Variants in TBPL1 observed in about 807,000 individuals in gnomAD.
TBPL1 encodes the protein TATA-box binding protein like 1, also known as TATA box-binding protein-like 1.
A neutral mutation model predicts 22.1 loss-of-function variants in TBPL1; 4 were observed. That is an observed-to-expected ratio of 0.18 (90% CI 0.09 to 0.41). TBPL1 has a LOEUF of 0.41. Ranked by LOEUF, TBPL1 falls within the 10% of genes least tolerant of loss-of-function variation. TBPL1 has a pLI of 1.00. For synonymous variants in TBPL1, 64 were observed against 71.0 expected (o/e 0.90, Z 0.50); for missense variants, 115 against 222.3 (o/e 0.52, Z 3.07).
chr6:133,976,272 T>C (rs560816271), intron 1 of TBPL1, among the ~76,000 whole-genome samples: 7 of 152,162 alleles, frequency 4.6e-5, no homozygotes, highest in African/African-American at 7.2e-5. Context: ...TTAATATAGT[T>C]AAGAGTTTGA....
chr6:133,985,569 T>G (rs1776504715), intron 6 of TBPL1, among the ~76,000 whole-genome samples: 1 of 151,792 alleles, frequency 6.6e-6, no homozygotes, highest in African/African-American at 2.4e-5. Flanking sequence ...TGTCAGAGAG[T>G]AGCATTAGCA....
intron 1 of TBPL1, among the ~76,000 whole-genome samples, chr6:133,963,458 T>G (rs147444560): frequency 6.6e-6 from 1 of 152,192 alleles, no homozygotes; most frequent in Non-Finnish European, 1.5e-5. Context: ...ATAGTCTCAC[T>G]CTATAGCCCA....
Position 133,989,545 on chromosome 6 carries a change from A to C in TBPL1, c.*2505A>C, listed in dbSNP as rs928236213. The stretch of plus-strand genomic sequence containing the variant: ...ACACTTCCCTTCTCTTTCCAAAAAC[A>C]AAAAACAATGCATGCTCTGATTTGC... On this transcript the variant is annotated 3_prime_UTR_variant, in exon 7 of 7. Transcript: ENST00000237264. 1.3e-5 allele frequency: 2 copies of C among 152,172 alleles called. No homozygotes were observed. The highest frequency in any genetic ancestry group is 1.3e-4 in the Admixed American group (2 of 15,268). The allele number at this position is 152,172 out of a possible 1,614,324, so 9.4% of individuals were successfully genotyped here.
chr6:133,974,775 A>G (rs1776285301), intron 1 of TBPL1, among the ~76,000 whole-genome samples: 1 of 152,252 alleles, frequency 6.6e-6, no homozygotes, highest in South Asian at 2.1e-4. Flanking sequence ...CACACTTTCA[A>G]CATCGTTTGA....
chr6:133,987,717 T>C lies in TBPL1; in HGVS notation c.*677T>C, dbSNP rs556851385. The C allele has an allele frequency of 2.0e-5, 3 of 151,634 alleles. No individual in the cohort carries two copies. The highest frequency in any genetic ancestry group is 2.1e-4 in the South Asian group (1 of 4,780). 9.4% of individuals were successfully genotyped at this position (151,634 alleles called of 1,614,324 possible). On this transcript the variant is annotated 3_prime_UTR_variant, in exon 7 of 7. Coordinates refer to ENST00000237264, the MANE Select transcript of TBPL1 (RefSeq NM_004865.4). ...TAATGCTCTGTTACCAAATAACAAA[T>C]AGGAATTTTTTTTCTTGCAGATTAG...
chr6:133,986,278 A>C (rs991799447), intron 6 of TBPL1, among the ~76,000 whole-genome samples: 1 of 152,172 alleles, frequency 6.6e-6, no homozygotes. Context: ...TTTTATTCAA[A>C]ATTTTATGAG....
chr6:133,986,738 A>C (rs183858617), intron 6 of TBPL1, among the ~76,000 whole-genome samples: 189 of 152,268 alleles, frequency 1.2e-3, no homozygotes, highest in Non-Finnish European at 2.3e-3. Context: ...AAAGTGAATA[A>C]CCTCATTTTG....
intron 1 of TBPL1, among the ~76,000 whole-genome samples, chr6:133,970,668 G>A (rs1431923685): frequency 6.6e-6 from 1 of 151,530 alleles, no homozygotes; most frequent in Non-Finnish European, 1.5e-5. Context: ...GAATGCCGTG[G>A]TGCCATGATA....
chr6:133,969,193 C>A (rs1429226389), intron 1 of TBPL1, among the ~76,000 whole-genome samples: 1 of 151,534 alleles, frequency 6.6e-6, no homozygotes, highest in East Asian at 1.9e-4. Context: ...TTAAATCTTT[C>A]CCCATCACCT....
intron 6 of TBPL1, among the ~76,000 whole-genome samples, chr6:133,986,580 G>T (rs1305541958): frequency 6.6e-6 from 1 of 152,104 alleles, no homozygotes; most frequent in Non-Finnish European, 1.5e-5. Flanking sequence ...ATATCCCTGA[G>T]CCTCTGTTGT....
intron 1 of TBPL1, among the ~76,000 whole-genome samples, chr6:133,955,943 C>G (rs906202752): frequency 6.6e-6 from 1 of 152,120 alleles, no homozygotes; most frequent in East Asian, 1.9e-4. Context: ...GCAGAATTTG[C>G]TATGAAGTAG....
rs999048906 is a variant in TBPL1 at position 133,958,240 on chromosome 6, C to T, written c.-45+4815C>T. ...TACTTCTGAATAAAAGGAATAAACC[C>T]CAATGGTTTCATTTAACAGAATTAG... On this transcript the variant is annotated intron_variant, in intron 1 of 6. Coordinates refer to ENST00000237264, the MANE Select transcript of TBPL1 (RefSeq NM_004865.4). 2.0e-5 allele frequency among the ~76,000 whole-genome samples: 3 copies of T among 152,260 alleles called. No homozygotes were observed. In the East Asian group the frequency reaches 5.8e-4, roughly 29 times the overall value.
intron 1 of TBPL1, among the ~76,000 whole-genome samples, chr6:133,967,190 C>A (rs930045444): frequency 6.6e-6 from 1 of 152,292 alleles, no homozygotes; most frequent in Admixed American, 6.5e-5. Context: ...AGGTCCCTAT[C>A]CCCTAGTATG....
intron 1 of TBPL1, among the ~76,000 whole-genome samples, chr6:133,958,609 T>C (rs997421929): frequency 7.9e-5 from 12 of 152,338 alleles, no homozygotes; most frequent in African/African-American, 2.9e-4. Context: ...TAAGTCCAAA[T>C]GTTTTAGTTT....
At chr6:133,980,408 C>A in intron 2 of TBPL1, 148 bp downstream of exon 2, 1 of 862,268 alleles carries the variant, frequency 1.2e-6, no homozygotes, top group Non-Finnish European at 1.6e-6. Context: ...CCTGTAAAAG[C>A]AATCCCTCCT....
At chr6:133,957,539 C>T (rs1021820644) in intron 1 of TBPL1, among the ~76,000 whole-genome samples, 3 of 152,312 alleles carry the variant, frequency 2.0e-5, no homozygotes, top group Middle Eastern at 3.4e-3. Flanking sequence ...CAGGTGTTAA[C>T]GTTCCCGCTC....
At chr6:133,982,436 GA>G (rs1776432842) in intron 2 of TBPL1, 131 bp from the exon 3 acceptor site, 2 of 649,822 alleles carry the variant, frequency 3.1e-6, no homozygotes, top group African/African-American at 1.8e-5. Context: ...CAGAATGGTA[GA>G]TTTGGAGAGC....
chr6:133,971,581 G>A (rs1776222125), intron 1 of TBPL1, among the ~76,000 whole-genome samples: 1 of 22,016 alleles, frequency 4.5e-5, no homozygotes, highest in Non-Finnish European at 1.2e-4. Context: ...ATACATAGGT[G>A]TTGTTGTTGT....
chr6:133,970,982 T>C (rs1285552917), intron 1 of TBPL1, among the ~76,000 whole-genome samples: 1 of 152,188 alleles, frequency 6.6e-6, no homozygotes, highest in Non-Finnish European at 1.5e-5. Flanking sequence ...TATTTTATGA[T>C]ATACTTTACT....
Sources: gnomAD v4.1 joint callset for allele counts (sites outside exome capture counted in the v4.1 genomes callset) on GRCh38, gnomAD v4.1.1 for gene constraint, MANE v1.5 for transcripts, NCBI Gene and HGNC (gene_info 2026-07-23, HGNC 2026-07-21) for gene names.